Variants in TMEM68 observed in about 807,000 individuals in gnomAD.
The protein encoded by TMEM68 is transmembrane protein 68, also known as DGAT1/2-independent enzyme synthesizing storage lipids.
Under a neutral mutation model 36.9 loss-of-function variants are expected in TMEM68, and 25 were observed. The observed-to-expected ratio is 0.68, with a 90% CI of 0.49 to 0.95. TMEM68 has a LOEUF of 0.95. Ranked by LOEUF, TMEM68 falls within the 40% of genes least tolerant of loss-of-function variation. TMEM68 has a pLI of 0.00. For missense variants in TMEM68, 333 were observed against 392.0 expected, an observed-to-expected ratio of 0.85 and a Z score of 1.27; for synonymous variants, 131 against 124.4, an observed-to-expected ratio of 1.05 and a Z score of -0.35.
chr8:55,745,006 C>A, intron 6 of TMEM68, 55 bp downstream of exon 6: 2 of 1,200,006 alleles, frequency 1.7e-6, no homozygotes, highest in South Asian at 3.5e-5. Flanking sequence ...GGTTCAACAG[C>A]CCAAATATTT....
chr8:55,766,671 C>G (rs112386086), intron 1 of TMEM68, among the ~76,000 whole-genome samples: 5 of 151,862 alleles, frequency 3.3e-5, no homozygotes, highest in Non-Finnish European at 7.4e-5. Flanking sequence ...CCACCGTGCC[C>G]GGCCTCTATG....
rs565487338 is a variant in TMEM68, at chr8:55,744,171, G to T, written c.749-551C>A. On this transcript the variant is annotated intron_variant, in intron 6 of 7. Coordinates refer to ENST00000434581, the MANE Select transcript of TMEM68 (RefSeq NM_001286657.2). ...TATAATGCAAAATAAACTAGGTAAA[G>T]ACAAAATAATATTATGAATTAGGAA... is the stretch of plus-strand genomic sequence containing the variant. Among the ~76,000 whole-genome samples the T allele has an allele frequency of 2.6e-4, 39 of 149,822 alleles. 1 individual carries two copies. The South Asian group carries it at 6.3e-3, about 24-fold the overall frequency.
chr8:55,762,409 A>G, intron 3 of TMEM68: 6 of 603,750 alleles, frequency 9.9e-6, no homozygotes, highest in Non-Finnish European at 1.6e-5. Flanking sequence ...TATAGTCTAC[A>G]GTGCTGCGTG....
rs756152647 is a variant in TMEM68, at chr8:55,751,050, G to A, written c.601C>T (p.Arg201Ter). The A allele has an allele frequency of 3.7e-6, 6 of 1,613,890 alleles. No homozygotes were observed. Among genetic ancestry groups the A allele is most frequent in the African/African-American group, 1.3e-5 (1 of 74,874 alleles). ...GTTTCATCACTAATTAGGGCTTCTC[G>A]AACTCCACCTGGTGAGATAGCTAAC... ...HLLAISPGGV[R>*]EALISDETYN... Residue 201 changes from arginine (R) to a stop codon, truncating the protein, a stop_gained, in exon 5 of 8, where the codon CGA becomes TGA. Transcript: ENST00000434581. LOFTEE classifies it high-confidence loss of function.
At chr8:55,751,726 CAA>C (rs1022426226) in intron 4 of TMEM68, among the ~76,000 whole-genome samples, 1 of 152,136 alleles carries the variant, frequency 6.6e-6, no homozygotes, top group African/African-American at 2.4e-5. Flanking sequence ...GTGCTTGACT[CAA>C]GAGCAGCTAA....
intron 5 of TMEM68, chr8:55,747,594 G>A (rs767085350): frequency 3.9e-5 from 6 of 152,060 alleles, no homozygotes; most frequent in Non-Finnish European, 8.8e-5. Context: ...CTCCCAAAGT[G>A]CTGGGATTAC....
intron 4 of TMEM68, among the ~76,000 whole-genome samples, chr8:55,755,285 G>A (rs1170081262): frequency 2.4e-5 from 3 of 125,344 alleles, no homozygotes; most frequent in Non-Finnish European, 5.0e-5. Context: ...TTTTTTTTTT[G>A]AGACGGAGTC....
intron 2 of TMEM68, 23 bp from the exon 3 acceptor site, chr8:55,763,051 T>G: frequency 2.3e-6 from 3 of 1,326,004 alleles, no homozygotes; most frequent in Non-Finnish European, 3.0e-6. Context: ...AATAATCCAG[T>G]ATTATTTTCT....
At chr8:55,755,591 C>CT (rs10537043) in intron 4 of TMEM68, among the ~76,000 whole-genome samples, 2,929 of 148,644 alleles carry the variant, frequency 0.02, 46 homozygotes, top group Non-Finnish European at 0.029. Flanking sequence ...TATATCATGA[C>CT]TTTTTTTTTT....
chr8:55,751,014 C>A lies in TMEM68; in HGVS notation c.637G>T (p.Val213Leu), dbSNP rs1004191342. The A allele has an allele frequency of 1.2e-6, 2 of 1,613,806 alleles. No individual in the cohort carries two copies. The highest frequency in any genetic ancestry group is 2.7e-5 in the African/African-American group (2 of 74,896). The change falls in exon 5 of 8, where the codon GTA (valine) becomes TTA (leucine). Residue 213 changes from valine to leucine, a missense_variant. Transcript: ENST00000434581. ...ALISDETYNI[V>L]WGHRRGFAQV... ...GCAAAGCCTCTGCGATGACCCCATA[C>A]GATGTTATAAGTTTCATCACTAATT...
intron 1 of TMEM68, among the ~76,000 whole-genome samples, chr8:55,768,521 C>T (rs1464650360): frequency 1.3e-5 from 2 of 151,766 alleles, no homozygotes; most frequent in Non-Finnish European, 2.9e-5. Context: ...TCAAGACCAG[C>T]CAGGCAATAT....
chr8:55,764,400 T>C (rs1173471770), intron 1 of TMEM68, among the ~76,000 whole-genome samples: 1 of 152,230 alleles, frequency 6.6e-6, no homozygotes, highest in Non-Finnish European at 1.5e-5. Flanking sequence ...ATTTCCTTTC[T>C]CCATACTTTG....
At position 55,745,078 on chromosome 8, in the gene TMEM68, C is replaced by G. The variant is rs1417451922; in HGVS notation, c.731G>C (p.Arg244Thr). Reference protein sequence around the residue: ...MFTQNIREGFRSLGGTRLFRW... With the variant: ...MFTQNIREGFTSLGGTRLFRW... ...GAACTTACTTGTTCCTCCAAGTGAT[C>G]TAAATCCTTCTCGAATATTTTGTGT... Residue 244 changes from arginine to threonine, a missense_variant, in exon 6 of 8, where the codon AGA becomes ACA. Arg to Thr is a moderately conservative substitution (Grantham distance 71, BLOSUM62 -1). Transcript: ENST00000434581. 2.7e-6 allele frequency: 4 copies of G among 1,496,102 alleles called. No homozygotes were observed. The highest frequency in any genetic ancestry group is 3.5e-6 in the Non-Finnish European group (4 of 1,127,940). 92.7% of individuals were successfully genotyped at this position (1,496,102 alleles called of 1,614,324 possible).
At chr8:55,740,312 C>A in intron 7 of TMEM68, 94 bp from the exon 8 acceptor site, 1 of 862,426 alleles carries the variant, frequency 1.2e-6, no homozygotes, top group South Asian at 1.6e-5. Flanking sequence ...ATTTCCTTCT[C>A]AGTACACCTG....
chr8:55,747,142 T>G (rs1202736111), intron 5 of TMEM68: 1 of 152,156 alleles, frequency 6.6e-6, no homozygotes, highest in East Asian at 1.9e-4. Context: ...GGCAGGTGGA[T>G]CACTTGAGGT....
intron 1 of TMEM68, chr8:55,772,913 G>A (rs1811231497): frequency 6.6e-6 from 1 of 152,420 alleles, no homozygotes; most frequent in South Asian, 2.1e-4. Context: ...CAAGCCTAGA[G>A]GCCTCTACAG....
At chr8:55,751,521 A>G (rs1254120849) in intron 4 of TMEM68, 1 of 447,886 alleles carries the variant, frequency 2.2e-6, no homozygotes, top group East Asian at 7.3e-5. Flanking sequence ...CCCATCAGCA[A>G]TCAGAAATCT....
At chr8:55,765,923 T>G (rs984404247) in intron 1 of TMEM68, among the ~76,000 whole-genome samples, 1 of 151,902 alleles carries the variant, frequency 6.6e-6, no homozygotes, top group African/African-American at 2.4e-5. Context: ...TTAGCACCTA[T>G]GTACCCTAAT....
At chr8:55,745,289 T>C in intron 5 of TMEM68, 168 bp from the exon 6 acceptor site, 3 of 391,194 alleles carry the variant, frequency 7.7e-6, no homozygotes, top group Non-Finnish European at 9.0e-6. Context: ...CTAAGCAGGG[T>C]CGGGTCTCGT....
Sources: gnomAD v4.1 joint callset for allele counts (sites outside exome capture counted in the v4.1 genomes callset) on GRCh38, gnomAD v4.1.1 for gene constraint, MANE v1.5 for transcripts, NCBI Gene and HGNC (gene_info 2026-07-23, HGNC 2026-07-21) for gene names.